RBFOX1: variants seen among roughly 807,000 people sequenced by gnomAD.
RBFOX1 encodes RNA binding protein fox-1 homolog 1.
In RBFOX1, 8 loss-of-function variants were observed where a neutral mutation model predicts 57.7. That is an observed-to-expected ratio of 0.14 (90% CI 0.08 to 0.25). The LOEUF (loss-of-function observed/expected upper bound fraction) is 0.25, where lower values mean the gene tolerates loss of function less well. RBFOX1 is among the 10% of genes least tolerant of loss of function. RBFOX1 has a pLI of 1.00. For synonymous variants in RBFOX1, 326 were observed against 222.4 expected (o/e 1.47, Z -4.15); for missense variants, 611 against 548.5 (o/e 1.11, Z -1.14).
intron 13 of RBFOX1, among the ~76,000 whole-genome samples, chr16:7,668,978 A>G (rs1206824657): frequency 1.3e-5 from 2 of 152,178 alleles, no homozygotes; most frequent in African/African-American, 2.4e-5. Context: ...ATCTCAGCTC[A>G]CTTGCAACCT....
intron 14 of RBFOX1, among the ~76,000 whole-genome samples, chr16:7,689,031 C>G (rs1438899277): frequency 6.6e-6 from 1 of 152,098 alleles, no homozygotes; most frequent in Non-Finnish European, 1.5e-5. Context: ...CACTTAACAG[C>G]TGCTCGCATT....
intron 3 of RBFOX1, among the ~76,000 whole-genome samples, chr16:6,932,818 T>A (rs1405329760): frequency 3.3e-5 from 5 of 152,236 alleles, no homozygotes; most frequent in Admixed American, 6.5e-5. Flanking sequence ...CACTGTTGTG[T>A]AACCATGGCC....
At position 6,886,806 on chromosome 16, in the gene RBFOX1, A is replaced by G. The variant is rs930616494; in HGVS notation, c.-15-165251A>G. Among the ~76,000 whole-genome samples, 15 of 152,200 alleles carry G rather than the reference A, an allele frequency of 9.9e-5. No homozygotes were observed. The East Asian group carries it at 2.7e-3, about 27-fold the overall frequency. ...AACAAAAAAAAAACCAGAAAAAAAA[A>G]GAATGAAAATGTGAAGAAACGTTTG... On this transcript the variant is annotated intron_variant, in intron 3 of 15. Transcript: ENST00000550418.
chr16:7,400,715 G>A (rs1183083889), intron 4 of RBFOX1, among the ~76,000 whole-genome samples: 1 of 152,130 alleles, frequency 6.6e-6, no homozygotes, highest in Non-Finnish European at 1.5e-5. Flanking sequence ...AAATTCTTCT[G>A]CAAAGCACAG....
At chr16:7,670,754 C>T (rs1044834071) in intron 13 of RBFOX1, among the ~76,000 whole-genome samples, 4 of 152,126 alleles carry the variant, frequency 2.6e-5, no homozygotes, top group African/African-American at 7.2e-5. Flanking sequence ...TCAGTCTCTT[C>T]AAGTGTTCAG....
intron 4 of RBFOX1, among the ~76,000 whole-genome samples, chr16:7,279,800 C>T (rs1175939376): frequency 6.6e-6 from 1 of 152,202 alleles, no homozygotes; most frequent in South Asian, 2.1e-4. Context: ...TGAAATCCCA[C>T]AAGGAAAGGC....
intron 3 of RBFOX1, among the ~76,000 whole-genome samples, chr16:5,862,069 A>G (rs535346993): frequency 6.6e-6 from 1 of 152,262 alleles, no homozygotes. Context: ...AAAAACCTCC[A>G]CATGTGTGTC....
At chr16:5,307,793 C>T (rs1398348915) in intron 1 of RBFOX1, among the ~76,000 whole-genome samples, 1 of 152,160 alleles carries the variant, frequency 6.6e-6, no homozygotes, top group East Asian at 1.9e-4. Context: ...CCCACCTCAG[C>T]CCCCTGAGTA....
chr16:7,287,516 G>T (rs1213079651), intron 4 of RBFOX1, among the ~76,000 whole-genome samples: 1 of 152,160 alleles, frequency 6.6e-6, no homozygotes, highest in East Asian at 1.9e-4. Context: ...GCCATGGTGA[G>T]GCTCTGACCT....
intron 2 of RBFOX1, among the ~76,000 whole-genome samples, chr16:6,632,040 G>C (rs899342734): frequency 6.6e-6 from 1 of 152,146 alleles, no homozygotes; most frequent in African/African-American, 2.4e-5. Context: ...ATAATGTTTG[G>C]ATAATGTTTG....
At chr16:6,256,898 C>G (rs2097671148) in intron 1 of RBFOX1, among the ~76,000 whole-genome samples, 1 of 152,014 alleles carries the variant, frequency 6.6e-6, no homozygotes, top group Non-Finnish European at 1.5e-5. Flanking sequence ...AAGAGGACCC[C>G]TTAGAAGGCT....
intron 1 of RBFOX1, among the ~76,000 whole-genome samples, chr16:6,041,986 C>T (rs920918877): frequency 6.6e-6 from 1 of 152,118 alleles, no homozygotes; most frequent in Non-Finnish European, 1.5e-5. Context: ...CTTACTTGTT[C>T]CAACTTCCTG....
At chr16:6,398,198 G>A (rs1262540516) in intron 2 of RBFOX1, among the ~76,000 whole-genome samples, 4 of 152,044 alleles carry the variant, frequency 2.6e-5, no homozygotes, top group East Asian at 3.9e-4. Flanking sequence ...CAGGGTCACC[G>A]CCCCCATGGT....
intron 2 of RBFOX1, among the ~76,000 whole-genome samples, chr16:5,469,246 A>G (rs988752437): frequency 6.6e-6 from 1 of 152,154 alleles, no homozygotes; most frequent in Non-Finnish European, 1.5e-5. Flanking sequence ...TGTGGGGAGT[A>G]ACATCCCAGC....
At position 7,286,616 on chromosome 16, in the gene RBFOX1, A is replaced by ATTTTT. The variant is rs61621368; in HGVS notation, c.28-231510_28-231506dup. On this transcript the variant is annotated intron_variant, in intron 4 of 15. Transcript: ENST00000550418. The stretch of plus-strand genomic sequence containing the variant: ...AGGAGCACACCACCAGGACTGGCTA[A>ATTTTT]TTTTTTTTTTTTTTTTTTTTTTTTT... Among the ~76,000 whole-genome samples, 46 of 90,922 alleles carry ATTTTT rather than the reference A, an allele frequency of 5.1e-4. 2 individuals are homozygous for ATTTTT. Among genetic ancestry groups the ATTTTT allele is most frequent in the East Asian group, 1.1e-3 (3 of 2,610 alleles). The allele number at this position is 90,922 out of a possible 152,430, so 59.6% of individuals were successfully genotyped here.
At chr16:6,424,021 C>T (rs184420737) in intron 2 of RBFOX1, among the ~76,000 whole-genome samples, 5 of 152,100 alleles carry the variant, frequency 3.3e-5, no homozygotes, top group Admixed American at 2.6e-4. Flanking sequence ...AGGTGGATCA[C>T]TAGGTCAGGA....
intron 1 of RBFOX1, among the ~76,000 whole-genome samples, chr16:6,147,636 G>A (rs983539721): frequency 6.6e-6 from 1 of 152,130 alleles, no homozygotes; most frequent in African/African-American, 2.4e-5. Context: ...TGCCATCAAG[G>A]TTGGGGAAAA....
intron 4 of RBFOX1, among the ~76,000 whole-genome samples, chr16:7,273,890 A>G (rs906595335): frequency 2.4e-4 from 36 of 152,154 alleles, no homozygotes; most frequent in African/African-American, 8.4e-4. Flanking sequence ...TAAATGTATT[A>G]TGTAATTCTC....
chr16:6,274,376 A>T (rs568682958), intron 1 of RBFOX1, among the ~76,000 whole-genome samples: 1 of 152,330 alleles, frequency 6.6e-6, no homozygotes, highest in South Asian at 2.1e-4. Flanking sequence ...AACAAAAAGG[A>T]GTGGACTGTT....
Sources: allele counts gnomAD v4.1 joint callset (sites outside exome capture counted in the v4.1 genomes callset), GRCh38; gene constraint gnomAD v4.1.1; transcripts MANE v1.5; gene names NCBI Gene and HGNC (gene_info 2026-07-23, HGNC 2026-07-21).